MYO10: variants seen among roughly 807,000 people sequenced by gnomAD.
MYO10 encodes the protein myosin X.
MYO10 carries 133 observed loss-of-function variants against 257.3 expected under a neutral mutation model. The ratio of observed to expected loss-of-function variants is 0.52; its 90% CI spans 0.45 to 0.60. The LOEUF is 0.60. MYO10 is among the 20% of genes least tolerant of loss of function. The pLI is 0.00. For missense variants in MYO10, 2,399 were observed against 2,635.7 expected (o/e 0.91, Z 1.97); for synonymous variants, 1,104 against 1,028.6 (o/e 1.07, Z -1.40).
intron 2 of MYO10, among the ~76,000 whole-genome samples, chr5:16,867,160 T>C (rs1744275555): frequency 6.6e-6 from 1 of 152,190 alleles, no homozygotes; most frequent in African/African-American, 2.4e-5. Flanking sequence ...TCAGATAAGA[T>C]TTTTCCCTTG....
intron 1 of MYO10, among the ~76,000 whole-genome samples, chr5:16,934,140 GAA>G (rs1420307609): frequency 2.0e-5 from 3 of 152,234 alleles, no homozygotes; most frequent in Non-Finnish European, 4.4e-5. Flanking sequence ...AGTGCAAGAT[GAA>G]AAGAGTACTT....
intron 1 of MYO10, among the ~76,000 whole-genome samples, chr5:16,929,759 A>G (rs1357921235): frequency 1.3e-5 from 2 of 152,318 alleles, no homozygotes; most frequent in South Asian, 2.1e-4. Flanking sequence ...TCCATGGGGA[A>G]AAGTCTACAT....
At chr5:16,772,802 G>A (rs1430866294) in intron 9 of MYO10, among the ~76,000 whole-genome samples, 1 of 152,186 alleles carries the variant, frequency 6.6e-6, no homozygotes, top group African/African-American at 2.4e-5. Flanking sequence ...ATGGCTGGAG[G>A]AAGCTGGATA....
intron 2 of MYO10, among the ~76,000 whole-genome samples, chr5:16,876,883 A>G (rs1744619817): frequency 6.6e-6 from 1 of 152,026 alleles, no homozygotes; most frequent in South Asian, 2.1e-4. Flanking sequence ...TCTCCCCCCA[A>G]ATTAATATGT....
At chr5:16,882,651 A>G (rs1405964448) in intron 1 of MYO10, among the ~76,000 whole-genome samples, 1 of 152,204 alleles carries the variant, frequency 6.6e-6, no homozygotes, top group Non-Finnish European at 1.5e-5. Context: ...GCCAGATACA[A>G]AAGGCTACAT....
At position 16,781,822 on chromosome 5, in the gene MYO10, T is replaced by A. The variant is rs1339567570; in HGVS notation, c.610A>T (p.Met204Leu). Residue 204 changes from methionine (M) to leucine (L), a missense_variant, in exon 6 of 41, where the codon ATG becomes TTG. Transcript: ENST00000513610. ...ERAILESSPI[M>L]EAFGNAKTVY... ...GTCTTCGCATTGCCGAAAGCTTCCATGATGGGGCTGTGAAGACAGTGAGGG... is the reference window on the plus strand; with the variant it reads ...GTCTTCGCATTGCCGAAAGCTTCCAAGATGGGGCTGTGAAGACAGTGAGGG... The A allele has an allele frequency of 6.2e-7, 1 of 1,613,854 alleles. No homozygotes were observed. Among genetic ancestry groups the A allele is most frequent in the African/African-American group, 1.3e-5 (1 of 74,908 alleles).
chr5:16,762,942 C>T (rs996918207), intron 14 of MYO10, among the ~76,000 whole-genome samples: 4 of 139,900 alleles, frequency 2.9e-5, no homozygotes, highest in South Asian at 2.2e-4. Context: ...CCAGCCTGGG[C>T]GACAGAGTGA....
At chr5:16,749,373 G>A (rs1420939921) in intron 19 of MYO10, among the ~76,000 whole-genome samples, 21 of 151,742 alleles carry the variant, frequency 1.4e-4, no homozygotes, top group Non-Finnish European at 7.4e-5. Flanking sequence ...TGTAATCTTC[G>A]CTACTTGGAA....
chr5:16,751,648 A>AT (rs770395712), intron 19 of MYO10, among the ~76,000 whole-genome samples: 3,862 of 140,880 alleles, frequency 0.027, 164 homozygotes, highest in African/African-American at 0.086. Context: ...AACCTGGCTA[A>AT]TTTTTTTTTT....
intron 9 of MYO10, among the ~76,000 whole-genome samples, chr5:16,775,119 A>G (rs1316400915): frequency 6.6e-6 from 1 of 152,240 alleles, no homozygotes; most frequent in East Asian, 1.9e-4. Flanking sequence ...TGCAAGCAAT[A>G]AAATAAACCA....
At chr5:16,761,136 G>A (rs536076710) in intron 17 of MYO10, among the ~76,000 whole-genome samples, 45 of 152,140 alleles carry the variant, frequency 3.0e-4, no homozygotes, top group East Asian at 7.7e-4. Context: ...GATTACAGGT[G>A]CCTGCCACCA....
chr5:16,749,857 T>G (rs887659629), intron 19 of MYO10, among the ~76,000 whole-genome samples: 1 of 152,224 alleles, frequency 6.6e-6, no homozygotes, highest in Non-Finnish European at 1.5e-5. Context: ...CTTCTTTAAT[T>G]CTGCCCTGAA....
chr5:16,701,683 C>T lies in MYO10; in HGVS notation c.2712G>A (p.Lys904=). 1 of 1,613,944 alleles carries T rather than the reference C, an allele frequency of 6.2e-7. No individual in the cohort carries two copies. The highest frequency in any genetic ancestry group is 8.5e-7 in the Non-Finnish European group (1 of 1,179,862). Residue 904 remains lysine, a synonymous_variant, in exon 25 of 41, where the codon AAG becomes AAA. Coordinates refer to ENST00000513610, the MANE Select transcript of MYO10 (RefSeq NM_012334.3). This position sits in a 1 kb window ranked among gnomAD's most constrained non-coding sequence, Gnocchi z 8.1. ...EKEIEDLQRM[K]EQQELSLTEA... ...CGGTCAGCGACAGCTCCTGCTGCTC[C>T]TTCATGCGCTGCAGGTCCTCGATTT...
chr5:16,717,199 C>T (rs558793283), intron 19 of MYO10, among the ~76,000 whole-genome samples: 38 of 152,278 alleles, frequency 2.5e-4, no homozygotes, highest in African/African-American at 8.9e-4. Context: ...AAGAGCTTTG[C>T]GTTCCTGAAA....
At chr5:16,848,673 G>A (rs1437906016) in intron 2 of MYO10, among the ~76,000 whole-genome samples, 2 of 151,178 alleles carry the variant, frequency 1.3e-5, no homozygotes, top group Non-Finnish European at 2.9e-5. Context: ...ATACCTCCCC[G>A]CTACGGATGG....
At position 16,936,068 on chromosome 5, in the gene MYO10, C is replaced by A. The variant is rs552847666; in HGVS notation, c.-260G>T. The stretch of plus-strand genomic sequence containing the variant: ...GTTCCTCACTACTGGGCGCAGCGCT[C>A]GCAAGCGGAGAACAGCTGGTGGCAC... On this transcript the variant is annotated 5_prime_UTR_variant, in exon 1 of 41. The change creates a premature stop within an existing upstream ORF in the 5' untranslated region. Coordinates refer to ENST00000513610, the MANE Select transcript of MYO10 (RefSeq NM_012334.3). The A allele has an allele frequency of 9.8e-6, 5 of 511,968 alleles. No homozygotes were observed. The highest frequency in any genetic ancestry group is 1.4e-5 in the Non-Finnish European group (4 of 287,878). The allele number at this position is 511,968 out of a possible 1,614,324, so 31.7% of individuals were successfully genotyped here. A position where few individuals can be genotyped will look rare whatever the true frequency, so the allele number is the denominator to read the frequency against.
At chr5:16,853,411 G>A (rs116178909) in intron 2 of MYO10, among the ~76,000 whole-genome samples, 1,855 of 152,082 alleles carry the variant, frequency 0.012, 34 homozygotes, top group Middle Eastern at 0.034. Flanking sequence ...TGTTATGTCA[G>A]TTCTCTTCTT....
intron 8 of MYO10, among the ~76,000 whole-genome samples, chr5:16,780,254 C>T (rs1240423941): frequency 2.0e-5 from 3 of 151,776 alleles, no homozygotes; most frequent in Admixed American, 2.0e-4. Flanking sequence ...AAAGTGAAAC[C>T]AGCTGTAATA....
chr5:16,749,152 C>G (rs1740305930), intron 19 of MYO10, among the ~76,000 whole-genome samples: 1 of 152,106 alleles, frequency 6.6e-6, no homozygotes, highest in Admixed American at 6.5e-5. Flanking sequence ...TCCCCTGAGG[C>G]CTGGTCTTCA....
Sources: allele counts gnomAD v4.1 joint callset (sites outside exome capture counted in the v4.1 genomes callset), GRCh38; gene constraint gnomAD v4.1.1; non-coding constraint Gnocchi (gnomAD v3.1); transcripts MANE v1.5; gene names NCBI Gene and HGNC (gene_info 2026-07-23, HGNC 2026-07-21).